SORCS2: variants seen among roughly 807,000 people sequenced by gnomAD.
SORCS2 encodes the protein VPS10 domain-containing receptor SorCS2.
In SORCS2, 100 loss-of-function variants were observed where a neutral mutation model predicts 141.6. The observed-to-expected ratio is 0.71, with a 90% CI of 0.60 to 0.83. The LOEUF is 0.83. Among genes scored for constraint, SORCS2 ranks in the 40% least tolerant of loss-of-function variants. The probability of loss-of-function intolerance (pLI) is 0.00; values close to 1 mark genes in which losing one functional copy is unlikely to be tolerated. For synonymous variants in SORCS2, 789 were observed against 676.9 expected, an observed-to-expected ratio of 1.17 and a Z score of -2.57; for missense variants, 1,646 against 1,560.2, an observed-to-expected ratio of 1.05 and a Z score of -0.93.
intron 11 of SORCS2, among the ~76,000 whole-genome samples, chr4:7,692,886 C>A (rs1252919841): frequency 1.3e-5 from 2 of 152,152 alleles, no homozygotes; most frequent in African/African-American, 2.4e-5. Context: ...TCTCTGGGGC[C>A]CATCCTCAGG....
At chr4:7,607,311 T>C (rs1376515843) in intron 3 of SORCS2, among the ~76,000 whole-genome samples, 1 of 152,158 alleles carries the variant, frequency 6.6e-6, no homozygotes, top group Non-Finnish European at 1.5e-5. Context: ...ACGCAGACGC[T>C]TTTGGAGACT....
At chr4:7,417,839 C>T (rs1270386920) in intron 2 of SORCS2, among the ~76,000 whole-genome samples, 6 of 152,182 alleles carry the variant, frequency 3.9e-5, no homozygotes, top group African/African-American at 9.7e-5. Flanking sequence ...CAGTTGGGAA[C>T]GGGTCGCTGA....
At chr4:7,387,743 C>A (rs912560209) in intron 1 of SORCS2, among the ~76,000 whole-genome samples, 1 of 140,720 alleles carries the variant, frequency 7.1e-6, no homozygotes, top group Non-Finnish European at 1.5e-5. Flanking sequence ...TGCACACATG[C>A]ACACACAGAT....
intron 1 of SORCS2, among the ~76,000 whole-genome samples, chr4:7,346,663 C>T (rs1720668578): frequency 6.6e-6 from 1 of 152,310 alleles, no homozygotes. Flanking sequence ...GTAGAATTGT[C>T]TTTTCCTTCT....
chr4:7,531,277 G>T (rs1174426694), intron 2 of SORCS2, among the ~76,000 whole-genome samples: 10 of 152,184 alleles, frequency 6.6e-5, no homozygotes, highest in Non-Finnish European at 1.5e-4. Flanking sequence ...GAGTCAGAAG[G>T]ACCTGACTTT....
chr4:7,494,206 T>C (rs909464181), intron 2 of SORCS2, among the ~76,000 whole-genome samples: 1 of 152,246 alleles, frequency 6.6e-6, no homozygotes, highest in Admixed American at 6.5e-5. Flanking sequence ...TCACTTCCCA[T>C]ACGATGACAG....
intron 1 of SORCS2, among the ~76,000 whole-genome samples, chr4:7,336,235 G>A (rs1719980367): frequency 6.6e-6 from 1 of 152,150 alleles, no homozygotes. Flanking sequence ...CTCCCTCACT[G>A]GGGTTTCAGG....
rs372669953 is a variant in SORCS2, at chr4:7,456,479, A to AGG, written c.548+60132_548+60133dup. Among the ~76,000 whole-genome samples the AGG allele has an allele frequency of 3.2e-3, 475 of 148,922 alleles. 2 individuals carry two copies. The highest frequency in any genetic ancestry group is 5.3e-3 in the African/African-American group (214 of 40,600). On this transcript the variant is annotated intron_variant, in intron 2 of 26. Transcript: ENST00000507866. ...CCCACCCATAAGCCTGAAGGGTGAG[A>AGG]GGGGGGGGGCCTCCTTTTGAGGACA...
intron 3 of SORCS2, among the ~76,000 whole-genome samples, chr4:7,616,791 C>A (rs1718791841): frequency 6.6e-6 from 1 of 152,246 alleles, no homozygotes; most frequent in African/African-American, 2.4e-5. Flanking sequence ...ACTATAAAAC[C>A]ATTTAATTAC....
At chr4:7,600,479 G>A (rs552837526) in intron 3 of SORCS2, among the ~76,000 whole-genome samples, 17 of 152,180 alleles carry the variant, frequency 1.1e-4, no homozygotes, top group East Asian at 3.9e-4. Flanking sequence ...TGTTGATCGC[G>A]GGAGACAGGT....
Position 7,718,093 on chromosome 4 carries a change from G to C in SORCS2, c.2334G>C (p.Thr778=). The C allele has an allele frequency of 6.2e-7, 1 of 1,611,522 alleles. No individual in the cohort carries two copies. Among genetic ancestry groups the C allele is most frequent in the South Asian group, 1.1e-5 (1 of 90,586 alleles). The change falls in exon 18 of 27, where the codon ACG becomes ACC. Residue 778 remains threonine, a synonymous_variant. Coordinates refer to ENST00000507866, the MANE Select transcript of SORCS2 (RefSeq NM_020777.3). ...AGGTGCAGCTGCAGTGCCCCCTCAC[G>C]CCGCCCCGGGGCCTGCAGGTCAGCA... ...QSQVQLQCPL[T]PPRGLQVSIQ...
intron 1 of SORCS2, among the ~76,000 whole-genome samples, chr4:7,382,161 C>A (rs926274785): frequency 2.0e-5 from 3 of 152,128 alleles, no homozygotes; most frequent in Non-Finnish European, 4.4e-5. Flanking sequence ...TGGGGTGAGC[C>A]AGCCCTCAGA....
At chr4:7,303,778 C>T (rs1362838770) in intron 1 of SORCS2, among the ~76,000 whole-genome samples, 2 of 152,272 alleles carry the variant, frequency 1.3e-5, no homozygotes, top group Non-Finnish European at 2.9e-5. Context: ...AAGGCCAAGT[C>T]AGAGCGCAGG....
chr4:7,506,134 G>A (rs1261572832), intron 2 of SORCS2, among the ~76,000 whole-genome samples: 1 of 152,128 alleles, frequency 6.6e-6, no homozygotes, highest in South Asian at 2.1e-4. Context: ...GGGACACTCC[G>A]GGGTCTGTGT....
chr4:7,294,420 C>T (rs1716812221), intron 1 of SORCS2, among the ~76,000 whole-genome samples: 1 of 151,976 alleles, frequency 6.6e-6, no homozygotes, highest in Admixed American at 6.5e-5. Flanking sequence ...CTCCCCGCAG[C>T]CGACCTTCTG....
chr4:7,291,213 C>A (rs1310998256), intron 1 of SORCS2, among the ~76,000 whole-genome samples: 2 of 152,104 alleles, frequency 1.3e-5, no homozygotes, highest in Non-Finnish European at 2.9e-5. Context: ...AGAGCTGAGG[C>A]CACATAGCAG....
At chr4:7,393,556 T>G (rs779978434) in intron 1 of SORCS2, among the ~76,000 whole-genome samples, 1 of 152,154 alleles carries the variant, frequency 6.6e-6, no homozygotes, top group Non-Finnish European at 1.5e-5. Context: ...TTGCTGAGTG[T>G]GTAGTTTTTG....
chr4:7,582,668 A>G (rs1190165475), intron 3 of SORCS2, among the ~76,000 whole-genome samples: 16 of 152,042 alleles, frequency 1.1e-4, no homozygotes, highest in Admixed American at 9.8e-4. Context: ...CAAAAAACAA[A>G]AAAAAGCAAT....
rs902871447 is a variant in SORCS2 at position 7,201,194 on chromosome 4, G to A, written c.480+8068G>A. Reference sequence around the variant, plus strand: ...GAGTCCCGGGCTGAGGAGGAGGTTGGAATGGTGAGAATATTAAGGCTGAAG... The same window carrying A: ...GAGTCCCGGGCTGAGGAGGAGGTTGAAATGGTGAGAATATTAAGGCTGAAG... On this transcript the variant is annotated intron_variant, in intron 1 of 26. Coordinates refer to ENST00000507866, the MANE Select transcript of SORCS2 (RefSeq NM_020777.3). The surrounding 1 kb of genome is among the most constrained non-coding windows in gnomAD (Gnocchi z 4.4). Among the ~76,000 whole-genome samples the A allele has an allele frequency of 6.6e-6, 1 of 152,218 alleles. No homozygotes were observed. Among genetic ancestry groups the A allele is most frequent in the Non-Finnish European group, 1.5e-5 (1 of 68,044 alleles).
Sources: allele counts gnomAD v4.1 joint callset (sites outside exome capture counted in the v4.1 genomes callset), GRCh38; gene constraint gnomAD v4.1.1; non-coding constraint Gnocchi (gnomAD v3.1); transcripts MANE v1.5; gene names NCBI Gene and HGNC (gene_info 2026-07-23, HGNC 2026-07-21).